The following ME1 variants were observed in gnomAD, a reference collection of about 807,000 sequenced individuals.
ME1 encodes malic enzyme 1, also known as NADP-dependent malic enzyme.
ME1 carries 74 observed loss-of-function variants against 66.4 expected under a neutral mutation model. The observed-to-expected ratio is 1.11, with a 90% CI of 0.92 to 1.35. ME1 has a LOEUF of 1.35. Ranked by LOEUF, ME1 falls within the 40% of genes most tolerant of loss-of-function variation. ME1 has a pLI of 0.00. For missense variants in ME1, 750 were observed against 694.1 expected (o/e 1.08, Z -0.90); for synonymous variants, 251 against 235.6 (o/e 1.07, Z -0.60).
chr6:83,229,509 A>G (rs932485505), intron 9 of ME1, among the ~76,000 whole-genome samples: 13 of 152,214 alleles, frequency 8.5e-5, no homozygotes, highest in Non-Finnish European at 1.9e-4. Flanking sequence ...ATTTGACTAC[A>G]TAATGGATCA....
chr6:83,292,673 G>A (rs540144106), intron 6 of ME1, among the ~76,000 whole-genome samples: 80 of 152,310 alleles, frequency 5.3e-4, no homozygotes, highest in African/African-American at 1.8e-3. Context: ...AGGCAGGGAC[G>A]TTTAAGTCTG....
At position 83,397,837 on chromosome 6, in the gene ME1, T is replaced by C. The variant is rs1056333717; in HGVS notation, c.362+530A>G. Among the ~76,000 whole-genome samples the C allele has an allele frequency of 1.6e-4, 25 of 152,256 alleles. 1 individual carries two copies. Among genetic ancestry groups the C allele is most frequent in the Admixed American group, 1.5e-3 (23 of 15,298 alleles). Reference sequence around the variant, plus strand: ...ATTCTGTCATTTGCAACAATACAGATGAACCTTTAGGATATTACGTTAAGT... The same window carrying C: ...ATTCTGTCATTTGCAACAATACAGACGAACCTTTAGGATATTACGTTAAGT... On this transcript the variant is annotated intron_variant, in intron 3 of 13. Transcript: ENST00000369705.
intron 3 of ME1, among the ~76,000 whole-genome samples, chr6:83,382,988 C>A (rs942369362): frequency 1.3e-5 from 2 of 151,768 alleles, no homozygotes; most frequent in African/African-American, 2.4e-5. Context: ...ATCCAGTCAG[C>A]TGAAATCTTA....
intron 6 of ME1, among the ~76,000 whole-genome samples, chr6:83,314,853 A>G (rs1355849198): frequency 1.3e-5 from 2 of 152,124 alleles, no homozygotes; most frequent in Non-Finnish European, 2.9e-5. Flanking sequence ...GACTGTACCA[A>G]CTCATGCTCA....
chr6:83,362,141 C>T (rs1012005294), intron 3 of ME1, among the ~76,000 whole-genome samples: 14 of 152,212 alleles, frequency 9.2e-5, no homozygotes, highest in Non-Finnish European at 2.1e-4. Flanking sequence ...TGGGCAGAAC[C>T]TCAAGCAGTG....
intron 3 of ME1, among the ~76,000 whole-genome samples, chr6:83,397,808 A>G (rs1769765700): frequency 6.6e-6 from 1 of 152,226 alleles, no homozygotes; most frequent in African/African-American, 2.4e-5. Flanking sequence ...TAAAGAAGAA[A>G]GAAATTCTGT....
intron 3 of ME1, 36 bp downstream of exon 3, chr6:83,398,331 A>C: frequency 6.9e-7 from 1 of 1,442,000 alleles, no homozygotes; most frequent in Non-Finnish European, 9.4e-7. Context: ...AAATAAATAA[A>C]GACACAAGTT....
chr6:83,424,479 T>C (rs531231619), intron 1 of ME1, among the ~76,000 whole-genome samples: 2 of 152,314 alleles, frequency 1.3e-5, no homozygotes, highest in East Asian at 1.9e-4. Context: ...TATGATATGA[T>C]AGAAATCTGT....
At chr6:83,410,953 T>C (rs1431480274) in intron 1 of ME1, among the ~76,000 whole-genome samples, 1 of 152,304 alleles carries the variant, frequency 6.6e-6, no homozygotes, top group Non-Finnish European at 1.5e-5. Flanking sequence ...CAAACTCCCA[T>C]ATACCATTAG....
intron 6 of ME1, among the ~76,000 whole-genome samples, chr6:83,262,069 GA>G (rs1415033391): frequency 6.6e-6 from 1 of 150,716 alleles, no homozygotes; most frequent in Non-Finnish European, 1.5e-5. Context: ...AGGCATACAT[GA>G]AAAGAGACAA....
rs184108403 is a variant in ME1, at chr6:83,293,776, C to A, written c.704+21534G>T. Among the ~76,000 whole-genome samples the A allele has an allele frequency of 1.7e-4, 26 of 152,316 alleles. 1 individual carries two copies. The East Asian group carries it at 5.0e-3, about 29-fold the overall frequency. The stretch of plus-strand genomic sequence containing the variant: ...TCATTCCAGGGTATCTCCTCAATTT[C>A]TCTTTTGCCCAATTCCTATTTCCAA... On this transcript the variant is annotated intron_variant, in intron 6 of 13. Coordinates refer to ENST00000369705, the MANE Select transcript of ME1 (RefSeq NM_002395.6).
At chr6:83,401,214 A>G (rs1167821401) in intron 2 of ME1, among the ~76,000 whole-genome samples, 1 of 152,198 alleles carries the variant, frequency 6.6e-6, no homozygotes, top group Non-Finnish European at 1.5e-5. Flanking sequence ...GCATGCCTGT[A>G]GTCCTAGCTA....
rs116306960 is a variant in ME1, at chr6:83,220,839, T to C, written c.1449+2921A>G. Among the ~76,000 whole-genome samples the C allele has an allele frequency of 7.7e-3, 1,178 of 152,226 alleles. 18 individuals carry two copies. The highest frequency in any genetic ancestry group is 0.026 in the African/African-American group (1,077 of 41,544). On this transcript the variant is annotated intron_variant, in intron 12 of 13. Coordinates refer to ENST00000369705, the MANE Select transcript of ME1 (RefSeq NM_002395.6). ...GATACTACTGAAGTTTTAAAAGAAG[T>C]ATATGGAAGACTCTCTGTCTTTAAA...
intron 7 of ME1, 59 bp from the exon 8 acceptor site, chr6:83,239,695 GC>G: frequency 8.3e-7 from 1 of 1,204,322 alleles, no homozygotes; most frequent in Non-Finnish European, 1.2e-6. Context: ...CAATTTTCAA[GC>G]TTTTATTCAC....
At chr6:83,238,913 A>C (rs2128525779) in intron 8 of ME1, among the ~76,000 whole-genome samples, 1 of 151,276 alleles carries the variant, frequency 6.6e-6, no homozygotes, top group East Asian at 1.9e-4. Context: ...CTAACATTTT[A>C]ATTTCTAGTT....
rs191107387 is a variant in ME1, at chr6:83,218,914, T to A, written c.1450-2318A>T. ...CCTCTCCTACTGCAGGGAGAGGACA[T>A]GACATTTGAATTGGATATAACATTT... On this transcript the variant is annotated intron_variant, in intron 12 of 13. Transcript: ENST00000369705. 4.9e-3 allele frequency among the ~76,000 whole-genome samples: 740 copies of A among 152,272 alleles called. 16 individuals carry two copies. Among genetic ancestry groups the A allele is most frequent in the Non-Finnish European group, 1.4e-3 (98 of 68,018 alleles).
chr6:83,354,724 C>G (rs1334858088), intron 3 of ME1, among the ~76,000 whole-genome samples: 4 of 152,174 alleles, frequency 2.6e-5, no homozygotes, highest in Admixed American at 2.0e-4. Flanking sequence ...CATCACCCAG[C>G]GTACATGTAC....
At chr6:83,421,892 G>A (rs922337257) in intron 1 of ME1, among the ~76,000 whole-genome samples, 13 of 152,138 alleles carry the variant, frequency 8.5e-5, no homozygotes, top group Non-Finnish European at 1.0e-4. Flanking sequence ...TATAGAGCTG[G>A]TCTCAAGATC....
At chr6:83,322,086 A>AT (rs2128540503) in intron 5 of ME1, among the ~76,000 whole-genome samples, 1 of 152,342 alleles carries the variant, frequency 6.6e-6, no homozygotes, top group African/African-American at 2.4e-5. Context: ...GAAAACTAAC[A>AT]AACAGAAAGG....
Sources: allele counts gnomAD v4.1 joint callset (sites outside exome capture counted in the v4.1 genomes callset), GRCh38; gene constraint gnomAD v4.1.1; transcripts MANE v1.5; gene names NCBI Gene and HGNC (gene_info 2026-07-23, HGNC 2026-07-21).